The following KCNJ6 variants were observed in gnomAD, a reference collection of about 807,000 sequenced individuals.
The protein encoded by KCNJ6 is potassium inwardly rectifying channel subfamily J member 6.
In KCNJ6, 9 loss-of-function variants were observed where a neutral mutation model predicts 34.2. The ratio of observed to expected loss-of-function variants is 0.26; its 90% CI spans 0.16 to 0.46. The LOEUF (loss-of-function observed/expected upper bound fraction) is 0.46. KCNJ6 is among the 20% of genes least tolerant of loss of function. KCNJ6 has a pLI of 1.00. For synonymous variants in KCNJ6, 196 were observed against 207.1 expected, an observed-to-expected ratio of 0.95 and a Z score of 0.46; for missense variants, 236 against 531.3, an observed-to-expected ratio of 0.44 and a Z score of 5.46.
intron 3 of KCNJ6, among the ~76,000 whole-genome samples, chr21:37,626,917 G>C (rs1401705834): frequency 3.3e-5 from 5 of 152,084 alleles, no homozygotes; most frequent in African/African-American, 9.7e-5. Flanking sequence ...GGCTTACAAA[G>C]GCAAGCTCAC....
chr21:37,798,247 T>C (rs572054663), intron 2 of KCNJ6, among the ~76,000 whole-genome samples: 1 of 152,276 alleles, frequency 6.6e-6, no homozygotes, highest in Non-Finnish European at 1.5e-5. Flanking sequence ...TGCTTTCAAA[T>C]TCCTCTGTGC....
intron 1 of KCNJ6, among the ~76,000 whole-genome samples, chr21:37,844,168 C>T (rs1349078770): frequency 2.0e-5 from 3 of 151,482 alleles, no homozygotes; most frequent in African/African-American, 7.3e-5. Flanking sequence ...AAGCAATTTT[C>T]CTGCCTTAGC....
intron 2 of KCNJ6, among the ~76,000 whole-genome samples, chr21:37,716,200 C>T (rs976725185): frequency 1.3e-5 from 2 of 152,002 alleles, no homozygotes; most frequent in South Asian, 2.1e-4. Context: ...TGGTTTTTGT[C>T]GGTAAGTATG....
chr21:37,897,706 A>T (rs1321733489), intron 1 of KCNJ6, among the ~76,000 whole-genome samples: 1 of 152,148 alleles, frequency 6.6e-6, no homozygotes. Flanking sequence ...TGCATCCATC[A>T]GGGAAGTCTC....
At chr21:37,761,209 G>C (rs550426532) in intron 2 of KCNJ6, among the ~76,000 whole-genome samples, 1 of 147,638 alleles carries the variant, frequency 6.8e-6, no homozygotes, top group East Asian at 2.0e-4. Flanking sequence ...TGTATGTATT[G>C]TGTGTGTGTG....
At position 37,609,880 on chromosome 21, in the gene KCNJ6, T is replaced by C. The variant is rs1267128458; in HGVS notation, c.*15279A>G. 3 of 152,190 alleles carry C rather than the reference T, an allele frequency of 2.0e-5. No homozygotes were observed. Among genetic ancestry groups the C allele is most frequent in the Non-Finnish European group, 4.4e-5 (3 of 68,042 alleles). The allele number at this position is 152,190 out of a possible 1,614,324, so 9.4% of individuals were successfully genotyped here. A position where few individuals can be genotyped will look rare whatever the true frequency, so the allele number is the denominator to read the frequency against. ...GATGCAGCCTCACATTTATTTTCTA[T>C]CAATGATGCTGACCTTCCTTGGACA... On this transcript the variant is annotated 3_prime_UTR_variant, in exon 4 of 4. Transcript: ENST00000609713.
chr21:37,824,073 T>C (rs1453087441), intron 2 of KCNJ6, among the ~76,000 whole-genome samples: 1 of 151,688 alleles, frequency 6.6e-6, no homozygotes, highest in Non-Finnish European at 1.5e-5. Context: ...TACAATTTTA[T>C]TCATCCATGA....
At chr21:37,749,140 G>T (rs978985114) in intron 2 of KCNJ6, among the ~76,000 whole-genome samples, 3 of 152,268 alleles carry the variant, frequency 2.0e-5, no homozygotes, top group Non-Finnish European at 2.9e-5. Context: ...TAACTTCTGA[G>T]CTGGGGCATG....
Position 37,874,494 on chromosome 21 carries a change from C to A in KCNJ6, c.-27-33785G>T, listed in dbSNP as rs530894280. On this transcript the variant is annotated intron_variant, in intron 1 of 3. Coordinates refer to ENST00000609713, the MANE Select transcript of KCNJ6 (RefSeq NM_002240.5). Reference sequence around the variant, plus strand: ...ATAAATATCTCAAAATTCACCTGACCAAAACTGAACTTTGATACTAGTCTG... The same window carrying A: ...ATAAATATCTCAAAATTCACCTGACAAAAACTGAACTTTGATACTAGTCTG... 1.9e-4 allele frequency among the ~76,000 whole-genome samples: 29 copies of A among 152,288 alleles called. 1 individual carries two copies. In the East Asian group the frequency reaches 3.3e-3, roughly 17 times the overall value.
intron 2 of KCNJ6, among the ~76,000 whole-genome samples, chr21:37,729,336 G>GC (rs1380316544): frequency 1.6e-5 from 1 of 61,604 alleles, no homozygotes; most frequent in Admixed American, 1.5e-4. Context: ...CTTCTTTTTG[G>GC]GGGGGGGGGC....
In KCNJ6 at chr21:37,621,727, C is replaced by G. The variant is rs1219898567; in HGVS notation, c.*3432G>C. On this transcript the variant is annotated 3_prime_UTR_variant, in exon 4 of 4. Transcript: ENST00000609713. ...AATTGGAACTGGAGAACCAGGGAAA[C>G]AGCAAAGGATGGGGATAGATGGAAG... 1 of 152,182 alleles carries G rather than the reference C, an allele frequency of 6.6e-6. No individual in the cohort carries two copies. Among genetic ancestry groups the G allele is most frequent in the African/African-American group, 2.4e-5 (1 of 41,412 alleles). 9.4% of individuals were successfully genotyped at this position (152,182 alleles called of 1,614,324 possible). A position where few individuals can be genotyped will look rare whatever the true frequency, so the allele number is the denominator to read the frequency against.
intron 1 of KCNJ6, among the ~76,000 whole-genome samples, chr21:37,852,375 T>C (rs1278321941): frequency 6.6e-6 from 1 of 152,190 alleles, no homozygotes; most frequent in Non-Finnish European, 1.5e-5. Context: ...GCCATCCAGC[T>C]GTAACAAGGT....
intron 1 of KCNJ6, among the ~76,000 whole-genome samples, chr21:37,889,884 A>T (rs1332576416): frequency 5.3e-5 from 8 of 152,186 alleles, no homozygotes; most frequent in Non-Finnish European, 1.2e-4. Flanking sequence ...CATCTGCACA[A>T]ACCCTATTTC....
chr21:37,750,087 T>C (rs1302934602), intron 2 of KCNJ6, among the ~76,000 whole-genome samples: 1 of 152,028 alleles, frequency 6.6e-6, no homozygotes, highest in Admixed American at 6.6e-5. Flanking sequence ...TAAAGCCACA[T>C]CAAAAGAAGA....
At chr21:37,858,454 G>A (rs1476641038) in intron 1 of KCNJ6, among the ~76,000 whole-genome samples, 1 of 141,990 alleles carries the variant, frequency 7.0e-6, no homozygotes, top group African/African-American at 2.6e-5. Context: ...AATATTGATA[G>A]AGCATGCTAG....
intron 2 of KCNJ6, among the ~76,000 whole-genome samples, chr21:37,821,496 G>A (rs1425228980): frequency 2.0e-5 from 3 of 152,076 alleles, no homozygotes; most frequent in Admixed American, 2.0e-4. Flanking sequence ...CATCACCTAG[G>A]TATTAAGCCC....
intron 3 of KCNJ6, among the ~76,000 whole-genome samples, chr21:37,692,218 A>C (rs531796772): frequency 2.6e-5 from 4 of 152,112 alleles, no homozygotes; most frequent in Non-Finnish European, 5.9e-5. Context: ...AAAAACAAAA[A>C]CCAAAAAATC....
intron 1 of KCNJ6, among the ~76,000 whole-genome samples, chr21:37,914,049 G>GTGTGTGTC (rs2055881414): frequency 6.7e-6 from 1 of 148,290 alleles, no homozygotes; most frequent in Non-Finnish European, 1.5e-5. Flanking sequence ...GTGTGTGTGT[G>GTGTGTGTC]TCTGTGCGCG....
Position 37,714,396 on chromosome 21 carries a change from G to A in KCNJ6, c.761C>T (p.Pro254Leu), listed in dbSNP as rs1196960765. The A allele has an allele frequency of 1.9e-6, 3 of 1,614,088 alleles. No homozygotes were observed. The highest frequency in any genetic ancestry group is 1.7e-6 in the Non-Finnish European group (2 of 1,179,990). The change falls in exon 3 of 4, where the codon CCG becomes CTG. Residue 254 changes from proline to leucine, a missense_variant. Coordinates refer to ENST00000609713, the MANE Select transcript of KCNJ6 (RefSeq NM_002240.5). The surrounding 1 kb of genome is among the most constrained non-coding windows in gnomAD (Gnocchi z 5.9). ...SKQTSEGEFI[P>L]LNQTDINVGY... is the part of the protein sequence containing the mutation. ...TACGTTGATATCCGTCTGGTTCAACGGGATGAACTCCCCCTCCGAGGTCTG... is the reference window on the plus strand; with the variant it reads ...TACGTTGATATCCGTCTGGTTCAACAGGATGAACTCCCCCTCCGAGGTCTG...
Sources: allele counts gnomAD v4.1 joint callset (sites outside exome capture counted in the v4.1 genomes callset), GRCh38; gene constraint gnomAD v4.1.1; non-coding constraint Gnocchi (gnomAD v3.1); transcripts MANE v1.5; gene names NCBI Gene and HGNC (gene_info 2026-07-23, HGNC 2026-07-21).